CADPS2: variants seen among roughly 807,000 people sequenced by gnomAD.
CADPS2 encodes the protein calcium dependent secretion activator 2, also known as calcium-dependent secretion activator 2.
CADPS2 carries 93 observed loss-of-function variants against 172.5 expected under a neutral mutation model. The observed-to-expected ratio is 0.54, with a 90% CI of 0.46 to 0.64. The LOEUF (loss-of-function observed/expected upper bound fraction) is 0.64. CADPS2 is among the 30% of genes least tolerant of loss of function. CADPS2 has a pLI of 0.00. For missense variants in CADPS2, 1,420 were observed against 1,565.9 expected, an observed-to-expected ratio of 0.91 and a Z score of 1.57; for synonymous variants, 546 against 555.2, an observed-to-expected ratio of 0.98 and a Z score of 0.23.
At chr7:122,463,681 G>C (rs140699926) in intron 14 of CADPS2, among the ~76,000 whole-genome samples, 1 of 152,234 alleles carries the variant, frequency 6.6e-6, no homozygotes, top group African/African-American at 2.4e-5. Context: ...TCACTAAGGA[G>C]GGTGGGAGAA....
intron 13 of CADPS2, among the ~76,000 whole-genome samples, chr7:122,472,296 A>ATTT (rs1356652666): frequency 7.1e-6 from 1 of 140,510 alleles, no homozygotes; most frequent in Non-Finnish European, 1.5e-5. Context: ...GGGGCAGGGT[A>ATTT]ATCATGTAAG....
chr7:122,511,575 A>C (rs1474581624), intron 9 of CADPS2, among the ~76,000 whole-genome samples: 1 of 152,144 alleles, frequency 6.6e-6, no homozygotes, highest in Admixed American at 6.6e-5. Context: ...TTTCATGCCT[A>C]TTTCCACCAG....
chr7:122,532,718 G>C (rs908633880), intron 8 of CADPS2, among the ~76,000 whole-genome samples: 1 of 151,926 alleles, frequency 6.6e-6, no homozygotes, highest in African/African-American at 2.4e-5. Context: ...AAAATGAAAA[G>C]AATAAAAGCC....
chr7:122,708,677 G>C (rs1029475341), intron 2 of CADPS2, among the ~76,000 whole-genome samples: 2 of 150,978 alleles, frequency 1.3e-5, no homozygotes, highest in Non-Finnish European at 3.0e-5. Flanking sequence ...ATTGTAATGG[G>C]CATAAATAAA....
At chr7:122,777,459 AT>A (rs2093919810) in intron 1 of CADPS2, among the ~76,000 whole-genome samples, 1 of 152,184 alleles carries the variant, frequency 6.6e-6, no homozygotes, top group Non-Finnish European at 1.5e-5. Flanking sequence ...ATCACAAGTA[AT>A]TGCAAAGGAG....
In CADPS2 at chr7:122,886,351, C is replaced by A; in HGVS notation, c.-14G>T. 6.7e-7 allele frequency: 1 copy of A among 1,490,196 alleles called. No homozygotes were observed. Among genetic ancestry groups the A allele is most frequent in the South Asian group, 1.3e-5 (1 of 79,580 alleles). 92.3% of individuals were successfully genotyped at this position (1,490,196 alleles called of 1,614,324 possible). A position where few individuals can be genotyped will look rare whatever the true frequency, so the allele number is the denominator to read the frequency against. ...CGGGTCCAGCATGGTGCTCGGGGAT[C>A]CCCGCCGCTCGGCCCGCGGTCCCCA... On this transcript the variant is annotated 5_prime_UTR_variant, in exon 1 of 30. Transcript: ENST00000449022.
chr7:122,714,928 T>C (rs6466835), intron 2 of CADPS2, among the ~76,000 whole-genome samples: 151,195 of 152,182 alleles, frequency 0.99, 75,113 homozygotes, highest in Non-Finnish European at 1. Context: ...AAAATGGAGA[T>C]CAAGTGTGTA....
At chr7:122,510,644 G>A (rs1235267811) in intron 9 of CADPS2, among the ~76,000 whole-genome samples, 6 of 152,136 alleles carry the variant, frequency 3.9e-5, no homozygotes, top group Non-Finnish European at 8.8e-5. Context: ...TCATTCTGCC[G>A]ATGGCAGCGG....
chr7:122,698,561 T>C lies in CADPS2; in HGVS notation c.454-34992A>G, dbSNP rs140861967. On this transcript the variant is annotated intron_variant, in intron 2 of 29. Transcript: ENST00000449022. ...ATCACTCCACTGGCTCCCTTCTCAGTTGCCACTTTAATTTTCTGTGTGAAG... is the reference window on the plus strand; with the variant it reads ...ATCACTCCACTGGCTCCCTTCTCAGCTGCCACTTTAATTTTCTGTGTGAAG... The C allele has an allele frequency of 2.4e-5, 38 of 1,613,990 alleles. No homozygotes were observed. The highest frequency in any genetic ancestry group is 3.2e-5 in the Non-Finnish European group (38 of 1,179,974).
chr7:122,854,759 A>C (rs181431634), intron 1 of CADPS2, among the ~76,000 whole-genome samples: 1 of 152,304 alleles, frequency 6.6e-6, no homozygotes, highest in Non-Finnish European at 1.5e-5. Context: ...AGTCTTCCAA[A>C]AGTGTTTGGT....
intron 17 of CADPS2, among the ~76,000 whole-genome samples, chr7:122,417,246 T>C (rs1176770592): frequency 6.6e-6 from 1 of 152,194 alleles, no homozygotes; most frequent in Non-Finnish European, 1.5e-5. Context: ...ATTCATTAAA[T>C]ATTCATTATA....
At chr7:122,678,164 G>A (rs2082581560) in intron 2 of CADPS2, among the ~76,000 whole-genome samples, 1 of 152,168 alleles carries the variant, frequency 6.6e-6, no homozygotes, top group Non-Finnish European at 1.5e-5. Flanking sequence ...AGTGTGGGAT[G>A]AAGTTTTCAT....
At chr7:122,640,514 A>G (rs1020143813) in intron 3 of CADPS2, among the ~76,000 whole-genome samples, 7 of 152,004 alleles carry the variant, frequency 4.6e-5, no homozygotes, top group African/African-American at 1.2e-4. Flanking sequence ...GAGAGAGAGA[A>G]AAAAAAAGAA....
At chr7:122,884,989 C>T (rs372107276) in intron 1 of CADPS2, among the ~76,000 whole-genome samples, 9 of 152,306 alleles carry the variant, frequency 5.9e-5, no homozygotes, top group East Asian at 1.9e-4. Flanking sequence ...AATGTCTGTG[C>T]ATGTAGGTAT....
chr7:122,567,122 C>T (rs2066572516), intron 7 of CADPS2, among the ~76,000 whole-genome samples: 1 of 151,966 alleles, frequency 6.6e-6, no homozygotes, highest in Admixed American at 6.6e-5. Flanking sequence ...CAGAAATAGC[C>T]AGAAATAACA....
At chr7:122,438,231 T>C (rs558452997) in intron 17 of CADPS2, 110 bp downstream of exon 17, 268 of 1,352,946 alleles carry the variant, frequency 2.0e-4, no homozygotes, top group Non-Finnish European at 2.6e-4. Flanking sequence ...ACATTTCCCT[T>C]TGCCATGGCA....
intron 5 of CADPS2, among the ~76,000 whole-genome samples, chr7:122,616,566 C>G (rs1199874401): frequency 6.6e-6 from 1 of 152,054 alleles, no homozygotes; most frequent in African/African-American, 2.4e-5. Flanking sequence ...AAACTCAGAA[C>G]AAGTTTTCTT....
intron 1 of CADPS2, among the ~76,000 whole-genome samples, chr7:122,816,570 T>C (rs921311185): frequency 6.6e-6 from 1 of 152,246 alleles, no homozygotes; most frequent in African/African-American, 2.4e-5. Flanking sequence ...TGCTGGATCA[T>C]ACAGTAGTTC....
chr7:122,645,348 T>C, intron 3 of CADPS2, among the ~76,000 whole-genome samples: 1 of 77,154 alleles, frequency 1.3e-5, no homozygotes, highest in African/African-American at 5.5e-5. Context: ...CATGTACATG[T>C]GTGTGTATAC....
Sources: allele counts gnomAD v4.1 joint callset (sites outside exome capture counted in the v4.1 genomes callset), GRCh38; gene constraint gnomAD v4.1.1; transcripts MANE v1.5; gene names NCBI Gene and HGNC (gene_info 2026-07-23, HGNC 2026-07-21).